NCAM2: variants seen among roughly 807,000 people sequenced by gnomAD.
NCAM2 encodes the protein N-CAM-2.
In NCAM2, 30 loss-of-function variants were observed where a neutral mutation model predicts 98.1. That is an observed-to-expected ratio of 0.31 (90% confidence interval 0.23 to 0.41). The LOEUF (loss-of-function observed/expected upper bound fraction) is 0.41. NCAM2 is among the 10% of genes least tolerant of loss of function. The pLI is 1.00. For synonymous variants in NCAM2, 368 were observed against 342.4 expected (o/e 1.07, Z -0.83); for missense variants, 867 against 1,005.8 (o/e 0.86, Z 1.87).
chr21:21,230,989 C>G (rs544630725), intron 1 of NCAM2, among the ~76,000 whole-genome samples: 7 of 151,088 alleles, frequency 4.6e-5, no homozygotes, highest in East Asian at 3.9e-4. Context: ...AACGTATTTC[C>G]GAGGACATTA....
chr21:21,100,328 G>A (rs2066214166), intron 1 of NCAM2, among the ~76,000 whole-genome samples: 2 of 151,934 alleles, frequency 1.3e-5, no homozygotes, highest in South Asian at 4.1e-4. Context: ...ACGAGAGCCT[G>A]TAAAGGAGCT....
intron 1 of NCAM2, among the ~76,000 whole-genome samples, chr21:21,055,205 T>G (rs1435047514): frequency 2.6e-5 from 4 of 151,914 alleles, no homozygotes; most frequent in Non-Finnish European, 4.4e-5. Context: ...TAAAGTATAA[T>G]AATAATAATA....
intron 1 of NCAM2, among the ~76,000 whole-genome samples, chr21:21,222,568 G>A (rs994908460): frequency 3.9e-5 from 6 of 152,052 alleles, no homozygotes; most frequent in South Asian, 2.1e-4. Context: ...CAAATGTGGT[G>A]GAAATAAAAA....
intron 9 of NCAM2, among the ~76,000 whole-genome samples, chr21:21,398,870 TCAC>T: frequency 6.6e-6 from 1 of 152,164 alleles, no homozygotes; most frequent in African/African-American, 2.4e-5. Context: ...CAGCTGCTCA[TCAC>T]TTGAAAGCCA....
At chr21:21,104,751 GT>G (rs1432638734) in intron 1 of NCAM2, among the ~76,000 whole-genome samples, 1 of 152,096 alleles carries the variant, frequency 6.6e-6, no homozygotes, top group African/African-American at 2.4e-5. Flanking sequence ...TGGGTAGTCT[GT>G]TCTTTCATTG....
intron 1 of NCAM2, among the ~76,000 whole-genome samples, chr21:21,268,791 A>G (rs777294853): frequency 1.6e-4 from 24 of 152,154 alleles, no homozygotes; most frequent in Admixed American, 7.2e-4. Context: ...GAAGGTACCG[A>G]ATTTGCCCCT....
chr21:21,281,362 T>A (rs1331724967), intron 2 of NCAM2, among the ~76,000 whole-genome samples: 1 of 152,148 alleles, frequency 6.6e-6, no homozygotes, highest in Non-Finnish European at 1.5e-5. Context: ...CACTGCACTA[T>A]AGTTATACTT....
At chr21:21,438,205 A>G (rs1022830466) in intron 12 of NCAM2, among the ~76,000 whole-genome samples, 3 of 151,978 alleles carry the variant, frequency 2.0e-5, no homozygotes, top group Non-Finnish European at 4.4e-5. Flanking sequence ...TATGATTTTG[A>G]ATACACTTAT....
intron 9 of NCAM2, among the ~76,000 whole-genome samples, chr21:21,403,579 A>C (rs947175368): frequency 3.3e-5 from 5 of 152,208 alleles, no homozygotes; most frequent in African/African-American, 9.6e-5. Flanking sequence ...TAAATGGCTT[A>C]CTATTCATAG....
chr21:21,027,858 G>GTT (rs527303137), intron 1 of NCAM2, among the ~76,000 whole-genome samples: 52 of 142,468 alleles, frequency 3.6e-4, no homozygotes, highest in East Asian at 6.1e-4. Flanking sequence ...TGTTTCTTAA[G>GTT]TTTTTTTTTT....
chr21:21,311,140 A>G (rs1276733240), intron 5 of NCAM2, among the ~76,000 whole-genome samples: 1 of 152,190 alleles, frequency 6.6e-6, no homozygotes, highest in Non-Finnish European at 1.5e-5. Flanking sequence ...TTTTAATCAC[A>G]ATTGTAAAGG....
Position 20,998,529 on chromosome 21 carries a change from A to T in NCAM2, c.-35A>T, listed in dbSNP as rs2063959703. On this transcript the variant is annotated 5_prime_UTR_variant, in exon 1 of 18. Transcript: ENST00000400546. ...TCTCTCTCCAGGGCTGGACTTAATA[A>T]CTTTGAAACTGTCCACCGGTGTCAC... is the stretch of plus-strand genomic sequence containing the variant. 6.2e-7 allele frequency: 1 copy of T among 1,607,740 alleles called. No individual in the cohort carries two copies. The highest frequency in any genetic ancestry group is 8.5e-7 in the Non-Finnish European group (1 of 1,174,720).
In NCAM2 at chr21:21,428,405, G is replaced by A. The variant is rs528144341; in HGVS notation, c.1481-3703G>A. ...AGATAATCCAGGATCCTGAACATGA[G>A]GCTGAAAAGATCGAGACTAATGTTG... On this transcript the variant is annotated intron_variant, in intron 11 of 17. Transcript: ENST00000400546. Among the ~76,000 whole-genome samples, 61 of 152,294 alleles carry A rather than the reference G, an allele frequency of 4.0e-4. 1 individual carries two copies. The South Asian group carries it at 6.2e-3, about 16-fold the overall frequency.
intron 9 of NCAM2, among the ~76,000 whole-genome samples, chr21:21,376,825 T>C (rs1021721451): frequency 6.6e-6 from 1 of 151,808 alleles, no homozygotes; most frequent in African/African-American, 2.4e-5. Context: ...CAGAAAATTA[T>C]GTAGTTTAGT....
At chr21:21,169,215 G>T (rs560815925) in intron 1 of NCAM2, among the ~76,000 whole-genome samples, 4 of 152,132 alleles carry the variant, frequency 2.6e-5, no homozygotes, top group East Asian at 1.9e-4. Flanking sequence ...CAAATGATAT[G>T]GGAGCAACTA....
At chr21:21,452,800 T>C (rs1981411946) in intron 12 of NCAM2, among the ~76,000 whole-genome samples, 1 of 92,124 alleles carries the variant, frequency 1.1e-5, no homozygotes, top group Non-Finnish European at 2.0e-5. Flanking sequence ...ATATAAAATA[T>C]AGTATTACTT....
At chr21:21,475,199 T>A (rs1985007826) in intron 14 of NCAM2, among the ~76,000 whole-genome samples, 1 of 152,092 alleles carries the variant, frequency 6.6e-6, no homozygotes, top group African/African-American at 2.4e-5. Flanking sequence ...TGTCATTAAC[T>A]CAATTAGGAC....
chr21:21,412,211 C>T (rs73214405), intron 10 of NCAM2, among the ~76,000 whole-genome samples: 3 of 152,202 alleles, frequency 2.0e-5, no homozygotes, highest in Non-Finnish European at 4.4e-5. Context: ...CGCCTTCTTG[C>T]TGTGTCCTCA....
intron 1 of NCAM2, among the ~76,000 whole-genome samples, chr21:21,107,965 T>C (rs943276521): frequency 3.3e-5 from 5 of 152,166 alleles, no homozygotes; most frequent in African/African-American, 1.2e-4. Context: ...TTTATTAATA[T>C]GTATTTGAAT....
Sources: allele counts gnomAD v4.1 joint callset (sites outside exome capture counted in the v4.1 genomes callset), GRCh38; gene constraint gnomAD v4.1.1; transcripts MANE v1.5; gene names NCBI Gene and HGNC (gene_info 2026-07-23, HGNC 2026-07-21).